Variants in BEND3 observed in about 807,000 individuals in gnomAD.
BEND3 encodes the protein BEN domain containing 3.
In BEND3, 13 loss-of-function variants were observed where a neutral mutation model predicts 60.1. The observed-to-expected ratio is 0.22, with a 90% CI of 0.14 to 0.34. The LOEUF is 0.34. Ranked by LOEUF, BEND3 falls within the 10% of genes least tolerant of loss-of-function variation. The pLI is 1.00. For missense variants in BEND3, 896 were observed against 1,138.1 expected (o/e 0.79, Z 3.06); for synonymous variants, 497 against 491.5 (o/e 1.01, Z -0.15).
chr6:107,083,078 C>A (rs1170720060), intron 3 of BEND3, among the ~76,000 whole-genome samples: 1 of 152,086 alleles, frequency 6.6e-6, no homozygotes, highest in Non-Finnish European at 1.5e-5. Context: ...AATTGGAAAA[C>A]ATCTAAATAT....
At chr6:107,111,967 G>GT (rs1182477409) in intron 1 of BEND3, among the ~76,000 whole-genome samples, 4 of 146,120 alleles carry the variant, frequency 2.7e-5, no homozygotes, top group Admixed American at 2.7e-4. Flanking sequence ...GGGCACCAGA[G>GT]TGAGACTCCG....
chr6:107,069,531 G>A lies in BEND3; in HGVS notation c.1660C>T (p.Leu554=), dbSNP rs782196588. 72 of 1,613,098 alleles carry A rather than the reference G, an allele frequency of 4.5e-5. No individual in the cohort carries two copies. Among genetic ancestry groups the A allele is most frequent in the South Asian group, 7.7e-5 (7 of 91,094 alleles). The change falls in exon 4 of 4, where the codon CTG becomes TTG. Residue 554 remains leucine (L), a synonymous_variant. Coordinates refer to ENST00000369042, the MANE Select transcript of BEND3 (RefSeq NM_001367314.1). ...PDFEVPGADC[L]LSKEQLRSIY... is the part of the protein sequence containing the mutation. Reference sequence around the variant, plus strand: ...CTGCGTAGCTGCTCCTTGCTGAGCAGGCAGTCGGCACCGGGCACCTCGAAG... The same window carrying A: ...CTGCGTAGCTGCTCCTTGCTGAGCAAGCAGTCGGCACCGGGCACCTCGAAG...
intron 1 of BEND3, among the ~76,000 whole-genome samples, chr6:107,100,159 G>A (rs1245719394): frequency 2.0e-5 from 3 of 152,134 alleles, no homozygotes; most frequent in African/African-American, 7.2e-5. Flanking sequence ...CTGAGCCACA[G>A]TGCCCAGTCC....
At chr6:107,103,948 C>CAA (rs781876027) in intron 1 of BEND3, among the ~76,000 whole-genome samples, 1 of 92,834 alleles carries the variant, frequency 1.1e-5, no homozygotes, top group Non-Finnish European at 2.1e-5. Flanking sequence ...AACTCCGTCT[C>CAA]AAAAAAAAAA....
rs1554230953 is a variant in BEND3, at chr6:107,067,171, T to C, written c.*1533A>G. ...CACTGGAACTGAAGTTCTTATCAGCTGAATGAAGAAAATCCAGATTGTTTC... is the reference window on the plus strand; with the variant it reads ...CACTGGAACTGAAGTTCTTATCAGCCGAATGAAGAAAATCCAGATTGTTTC... On this transcript the variant is annotated 3_prime_UTR_variant, in exon 4 of 4. Transcript: ENST00000369042. 6.6e-6 allele frequency: 1 copy of C among 152,228 alleles called. No individual in the cohort carries two copies. The highest frequency in any genetic ancestry group is 1.5e-5 in the Non-Finnish European group (1 of 68,042). 9.4% of individuals were successfully genotyped at this position (152,228 alleles called of 1,614,324 possible).
chr6:107,073,225 A>G (rs868927800), intron 3 of BEND3, among the ~76,000 whole-genome samples: 2 of 35,568 alleles, frequency 5.6e-5, no homozygotes, highest in African/African-American at 1.8e-4. Flanking sequence ...ATATATATAT[A>G]TATATATATA....
chr6:107,103,785 CT>C (rs1339462524), intron 1 of BEND3, among the ~76,000 whole-genome samples: 2 of 151,972 alleles, frequency 1.3e-5, no homozygotes, highest in Admixed American at 6.6e-5. Flanking sequence ...CCCATCTCTA[CT>C]AAAAATACAA....
At chr6:107,095,463 G>A (rs1250360182) in intron 3 of BEND3, among the ~76,000 whole-genome samples, 2 of 152,134 alleles carry the variant, frequency 1.3e-5, no homozygotes, top group Non-Finnish European at 1.5e-5. Flanking sequence ...CTTGTTAGTG[G>A]GACTGTAAAA....
chr6:107,101,257 C>T (rs1361423139), intron 1 of BEND3, among the ~76,000 whole-genome samples: 1 of 152,078 alleles, frequency 6.6e-6, no homozygotes, highest in Non-Finnish European at 1.5e-5. Context: ...TTCAGTGAAC[C>T]ATTCAAGGAG....
chr6:107,109,730 C>T (rs1267133760), intron 1 of BEND3, among the ~76,000 whole-genome samples: 2 of 152,048 alleles, frequency 1.3e-5, no homozygotes, highest in African/African-American at 2.4e-5. Flanking sequence ...AAAAATTAGC[C>T]AGGCGTAGTG....
intron 3 of BEND3, among the ~76,000 whole-genome samples, chr6:107,080,274 A>C (rs1262778788): frequency 6.7e-6 from 1 of 148,792 alleles, no homozygotes; most frequent in East Asian, 2.1e-4. Flanking sequence ...GGGATTGCTT[A>C]AGCCCGGGAG....
chr6:107,071,544 C>G (rs987096307), intron 3 of BEND3, among the ~76,000 whole-genome samples: 1 of 152,204 alleles, frequency 6.6e-6, no homozygotes, highest in African/African-American at 2.4e-5. Flanking sequence ...CTGATGCCAA[C>G]TCCACCACTG....
At chr6:107,100,258 T>C (rs1775677531) in intron 1 of BEND3, among the ~76,000 whole-genome samples, 1 of 152,156 alleles carries the variant, frequency 6.6e-6, no homozygotes, top group African/African-American at 2.4e-5. Context: ...ATTTATTTGT[T>C]TATGAAACGG....
intron 1 of BEND3, among the ~76,000 whole-genome samples, chr6:107,112,857 A>G (rs541357418): frequency 3.5e-4 from 46 of 130,650 alleles, no homozygotes; most frequent in Admixed American, 6.6e-4. Flanking sequence ...CTGTCTCAAG[A>G]AAAAAAAAAA....
At chr6:107,076,130 C>T (rs1775094582) in intron 3 of BEND3, among the ~76,000 whole-genome samples, 1 of 152,234 alleles carries the variant, frequency 6.6e-6, no homozygotes, top group African/African-American at 2.4e-5. Context: ...GATACTCCCA[C>T]ACTGGTGTCC....
intron 3 of BEND3, among the ~76,000 whole-genome samples, chr6:107,076,234 T>C (rs1554232757): frequency 6.6e-6 from 1 of 152,186 alleles, no homozygotes. Flanking sequence ...TCGGCTCAGC[T>C]GTCTAGGAGT....
chr6:107,079,143 G>A (rs148856278), intron 3 of BEND3, among the ~76,000 whole-genome samples: 1 of 152,268 alleles, frequency 6.6e-6, no homozygotes, highest in African/African-American at 2.4e-5. Context: ...ATGTCGAGAG[G>A]ATGTCGGGAG....
At chr6:107,103,730 C>T (rs1273160401) in intron 1 of BEND3, among the ~76,000 whole-genome samples, 1 of 152,106 alleles carries the variant, frequency 6.6e-6, no homozygotes, top group African/African-American at 2.4e-5. Flanking sequence ...GGGCGGATCA[C>T]CTGAGGATGG....
intron 1 of BEND3, among the ~76,000 whole-genome samples, chr6:107,113,425 G>A (rs1178277584): frequency 2.4e-5 from 3 of 126,328 alleles, no homozygotes; most frequent in Non-Finnish European, 4.7e-5. Context: ...GTGACAGAGC[G>A]AGACTCCGTC....
Sources: gnomAD v4.1 joint callset for allele counts (sites outside exome capture counted in the v4.1 genomes callset) on GRCh38, gnomAD v4.1.1 for gene constraint, MANE v1.5 for transcripts, NCBI Gene and HGNC (gene_info 2026-07-23, HGNC 2026-07-21) for gene names.